The following NEGR1 variants were observed in gnomAD, a reference collection of about 807,000 sequenced individuals.
NEGR1 encodes the protein neuronal growth regulator 1, also known as IgLON family member 4.
Under a neutral mutation model 40.9 loss-of-function variants are expected in NEGR1, and 10 were observed. The ratio of observed to expected loss-of-function variants is 0.24; its 90% CI spans 0.15 to 0.42. NEGR1 has a LOEUF of 0.42. NEGR1 is among the 10% of genes least tolerant of loss of function. The probability of loss-of-function intolerance (pLI) is 1.00; values close to 1 mark genes in which losing one functional copy is unlikely to be tolerated. For missense variants in NEGR1, 352 were observed against 438.9 expected, an observed-to-expected ratio of 0.80 and a Z score of 1.77; for synonymous variants, 185 against 166.8, an observed-to-expected ratio of 1.11 and a Z score of -0.84.
At chr1:72,266,720 G>C (rs990451707) in intron 1 of NEGR1, among the ~76,000 whole-genome samples, 12 of 83,144 alleles carry the variant, frequency 1.4e-4, no homozygotes, top group South Asian at 3.6e-4. Flanking sequence ...TATATAGACA[G>C]ATAAACACAC....
At chr1:71,479,169 T>C (rs954929188) in intron 6 of NEGR1, among the ~76,000 whole-genome samples, 1 of 151,972 alleles carries the variant, frequency 6.6e-6, no homozygotes, top group Non-Finnish European at 1.5e-5. Flanking sequence ...ACCTCACCAG[T>C]CTTTATGAAT....
chr1:71,490,101 T>C (rs1164821384), intron 6 of NEGR1: 1 of 152,024 alleles, frequency 6.6e-6, no homozygotes, highest in African/African-American at 2.4e-5. Context: ...CATCTTGACA[T>C]TATCAATATG....
chr1:71,434,709 A>G (rs1030851161), intron 6 of NEGR1, among the ~76,000 whole-genome samples: 3 of 152,202 alleles, frequency 2.0e-5, no homozygotes, highest in African/African-American at 7.2e-5. Context: ...TGCTTGATAT[A>G]TATACTGCAG....
chr1:72,059,525 TG>T (rs1370729115), intron 1 of NEGR1, among the ~76,000 whole-genome samples: 5 of 151,654 alleles, frequency 3.3e-5, no homozygotes, highest in Non-Finnish European at 5.9e-5. Flanking sequence ...AGTTTAAAAC[TG>T]TTTGTTTTTT....
chr1:71,572,117 T>C (rs1032248204), intron 6 of NEGR1, among the ~76,000 whole-genome samples: 2 of 152,162 alleles, frequency 1.3e-5, no homozygotes, highest in Non-Finnish European at 2.9e-5. Flanking sequence ...ACGGGCTTTA[T>C]TTAGCCCTAC....
At chr1:72,092,742 C>G (rs568489581) in intron 1 of NEGR1, among the ~76,000 whole-genome samples, 1 of 152,144 alleles carries the variant, frequency 6.6e-6, no homozygotes, top group Non-Finnish European at 1.5e-5. Flanking sequence ...CTCGACCTCC[C>G]CAGGCTTGGG....
chr1:71,599,182 C>A lies in NEGR1; in HGVS notation c.789-6214G>T, dbSNP rs114526070. ...TGTGTAATATTTATGTACATATATG[C>A]CAAATGCAGTAGGCACTAGATTATG... On this transcript the variant is annotated intron_variant, in intron 5 of 6. Coordinates refer to ENST00000357731, the MANE Select transcript of NEGR1 (RefSeq NM_173808.3). 8.9e-3 allele frequency among the ~76,000 whole-genome samples: 1,348 copies of A among 152,016 alleles called. 24 individuals carry two copies. The highest frequency in any genetic ancestry group is 0.031 in the African/African-American group (1,273 of 41,462).
intron 6 of NEGR1, among the ~76,000 whole-genome samples, chr1:71,508,512 C>T (rs952458380): frequency 4.6e-5 from 7 of 152,150 alleles, no homozygotes; most frequent in Non-Finnish European, 1.0e-4. Flanking sequence ...CTCCTCCCTA[C>T]CCAATCATGT....
chr1:72,268,608 C>T (rs924882959), intron 1 of NEGR1, among the ~76,000 whole-genome samples: 2 of 151,224 alleles, frequency 1.3e-5, no homozygotes, highest in East Asian at 3.9e-4. Flanking sequence ...CCTGAAATAA[C>T]AGATTACCTA....
At chr1:71,760,595 C>T (rs1204638881) in intron 3 of NEGR1, among the ~76,000 whole-genome samples, 1 of 152,104 alleles carries the variant, frequency 6.6e-6, no homozygotes, top group African/African-American at 2.4e-5. Flanking sequence ...ACAAAAGCTC[C>T]ACATAGAATG....
intron 6 of NEGR1, among the ~76,000 whole-genome samples, chr1:71,514,124 C>A (rs1647100092): frequency 6.9e-6 from 1 of 145,784 alleles, no homozygotes; most frequent in Admixed American, 6.8e-5. Flanking sequence ...GATCAAACTG[C>A]AAGGCGGCAA....
intron 2 of NEGR1, among the ~76,000 whole-genome samples, chr1:71,811,916 T>C (rs1040205098): frequency 6.6e-6 from 1 of 151,696 alleles, no homozygotes; most frequent in Non-Finnish European, 1.5e-5. Context: ...TATTTTCTTA[T>C]AGGATACAGG....
intron 1 of NEGR1, among the ~76,000 whole-genome samples, chr1:71,936,347 C>T (rs2768395): frequency 0.54 from 82,818 of 152,020 alleles, 23,997 homozygotes; most frequent in African/African-American, 0.73. Flanking sequence ...TGGATTTAAA[C>T]AGGTATTGTC....
rs569472788 is a variant in NEGR1, at chr1:71,487,352, TATA to T, written c.941-79785_941-79783del. On this transcript the variant is annotated intron_variant, in intron 6 of 6. Transcript: ENST00000357731. ...CTGTCTCCCAGGCAGATGATTTTAGTATAATATCTGTAATCACTCCAGAGCTCT... is the reference window on the plus strand; with the variant it reads ...CTGTCTCCCAGGCAGATGATTTTAGTATATCTGTAATCACTCCAGAGCTCT... Among the ~76,000 whole-genome samples the T allele has an allele frequency of 5.9e-5, 9 of 151,852 alleles. No individual in the cohort carries two copies. In the South Asian group the frequency reaches 1.9e-3, roughly 31 times the overall value.
At chr1:71,780,943 C>T (rs909797285) in intron 2 of NEGR1, among the ~76,000 whole-genome samples, 4 of 152,166 alleles carry the variant, frequency 2.6e-5, no homozygotes, top group African/African-American at 9.7e-5. Flanking sequence ...TTAGAATGCA[C>T]ATCCAAACCA....
chr1:71,798,965 T>C (rs1169247084), intron 2 of NEGR1, among the ~76,000 whole-genome samples: 3 of 152,140 alleles, frequency 2.0e-5, no homozygotes, highest in African/African-American at 7.2e-5. Flanking sequence ...TTATTAAAAT[T>C]ATATCCTCAC....
chr1:71,637,723 A>G (rs761136628), intron 4 of NEGR1, among the ~76,000 whole-genome samples: 2 of 151,928 alleles, frequency 1.3e-5, no homozygotes, highest in Non-Finnish European at 2.9e-5. Flanking sequence ...ATAAAAAGAA[A>G]AGAAAGAAGA....
chr1:71,507,000 T>A (rs1219781995), intron 6 of NEGR1, among the ~76,000 whole-genome samples: 3 of 151,868 alleles, frequency 2.0e-5, no homozygotes, highest in African/African-American at 4.8e-5. Flanking sequence ...GCCTATGGAG[T>A]GGTACACACT....
chr1:71,950,099 T>C (rs1459457852), intron 1 of NEGR1, among the ~76,000 whole-genome samples: 1 of 152,086 alleles, frequency 6.6e-6, no homozygotes, highest in East Asian at 1.9e-4. Flanking sequence ...TTATTATTCT[T>C]ATGAATTCAA....
Sources: gnomAD v4.1 joint callset for allele counts (sites outside exome capture counted in the v4.1 genomes callset) on GRCh38, gnomAD v4.1.1 for gene constraint, MANE v1.5 for transcripts, NCBI Gene and HGNC (gene_info 2026-07-23, HGNC 2026-07-21) for gene names.